The following FAF2 variants were observed in gnomAD, a reference collection of about 807,000 sequenced individuals.
FAF2 encodes FAS-associated factor 2.
Under a neutral mutation model 62.3 loss-of-function variants are expected in FAF2, and 9 were observed. That is an observed-to-expected ratio of 0.14 (90% confidence interval 0.09 to 0.25). The LOEUF (loss-of-function observed/expected upper bound fraction) is 0.25, where lower values mean the gene tolerates loss of function less well. Ranked by LOEUF, FAF2 falls within the 10% of genes least tolerant of loss-of-function variation. FAF2 has a pLI of 1.00. For missense variants in FAF2, 368 were observed against 556.2 expected (o/e 0.66, Z 3.40); for synonymous variants, 202 against 198.0 (o/e 1.02, Z -0.17).
At chr5:176,450,731 T>G (rs954112289) in intron 1 of FAF2, among the ~76,000 whole-genome samples, 4 of 152,120 alleles carry the variant, frequency 2.6e-5, no homozygotes, top group Non-Finnish European at 4.4e-5. Flanking sequence ...TTTTTTGTAT[T>G]TTTAGTAGAG....
chr5:176,473,476 C>T (rs188386678), intron 1 of FAF2, among the ~76,000 whole-genome samples: 3 of 152,248 alleles, frequency 2.0e-5, no homozygotes, highest in Admixed American at 1.3e-4. Context: ...GCTGCAGTAG[C>T]GTTGGTCAGG....
intron 1 of FAF2, among the ~76,000 whole-genome samples, chr5:176,475,631 G>A (rs543113736): frequency 6.6e-6 from 1 of 152,242 alleles, no homozygotes; most frequent in South Asian, 2.1e-4. Context: ...AGCCAGGCGT[G>A]GTGGCAGCCA....
At chr5:176,485,772 C>T (rs1382733261) in intron 2 of FAF2, among the ~76,000 whole-genome samples, 2 of 152,072 alleles carry the variant, frequency 1.3e-5, no homozygotes, top group East Asian at 3.8e-4. Flanking sequence ...TTTCATTGCC[C>T]TGGCTGGTCT....
chr5:176,479,387 G>T, intron 2 of FAF2, 131 bp downstream of exon 2: 2 of 728,140 alleles, frequency 2.7e-6, no homozygotes, highest in South Asian at 3.7e-5. Flanking sequence ...AAATAAAAGT[G>T]CAGGAAGGTA....
chr5:176,472,623 A>G (rs1292061459), intron 1 of FAF2, among the ~76,000 whole-genome samples: 3 of 147,332 alleles, frequency 2.0e-5, no homozygotes, highest in African/African-American at 7.5e-5. Context: ...CAGGCCCACC[A>G]TGGTGGCTCA....
chr5:176,471,070 C>T (rs956917128), intron 1 of FAF2, among the ~76,000 whole-genome samples: 1 of 152,158 alleles, frequency 6.6e-6, no homozygotes, highest in African/African-American at 2.4e-5. Flanking sequence ...TAATATTTCT[C>T]TTCCACCCCC....
chr5:176,458,873 G>A (rs1758326168), intron 1 of FAF2, among the ~76,000 whole-genome samples: 1 of 151,922 alleles, frequency 6.6e-6, no homozygotes, highest in East Asian at 1.9e-4. Flanking sequence ...TCCTTCTCAT[G>A]CCTCCCTTGC....
chr5:176,477,156 A>G (rs369844274), intron 1 of FAF2, among the ~76,000 whole-genome samples: 5 of 121,574 alleles, frequency 4.1e-5, no homozygotes, highest in African/African-American at 1.6e-4. Flanking sequence ...TGTGTTAGCC[A>G]GGATGGTCTG....
chr5:176,483,686 T>G (rs72807250), intron 2 of FAF2, among the ~76,000 whole-genome samples: 2,973 of 152,292 alleles, frequency 0.02, 62 homozygotes, highest in Non-Finnish European at 0.024. Context: ...TCTTCAGATT[T>G]GCTAATTCAC....
chr5:176,487,211 G>A (rs1758887034), intron 3 of FAF2, among the ~76,000 whole-genome samples: 1 of 152,146 alleles, frequency 6.6e-6, no homozygotes, highest in Non-Finnish European at 1.5e-5. Flanking sequence ...TTGAGACAGG[G>A]TCTCACTCTG....
intron 1 of FAF2, among the ~76,000 whole-genome samples, 179 bp downstream of exon 1, chr5:176,448,649 A>G (rs1758111260): frequency 6.8e-6 from 1 of 147,470 alleles, no homozygotes; most frequent in South Asian, 2.1e-4. Flanking sequence ...GTTGGACCCT[A>G]GCCTTCCAGC....
At position 176,509,653 on chromosome 5, in the gene FAF2, G is replaced by A. The variant is rs1018942309; in HGVS notation, c.*2703G>A. ...AGCAAATACTTCTTTCTCCTTGCTT[G>A]CCTCCACCATGATATTTGAATAAGA... On this transcript the variant is annotated 3_prime_UTR_variant, in exon 11 of 11. Coordinates refer to ENST00000261942, the MANE Select transcript of FAF2 (RefSeq NM_014613.3). 1 of 152,604 alleles carries A rather than the reference G, an allele frequency of 6.6e-6. No homozygotes were observed. Among genetic ancestry groups the A allele is most frequent in the Non-Finnish European group, 1.5e-5 (1 of 68,030 alleles). The allele number at this position is 152,604 out of a possible 1,614,324, so 9.5% of individuals were successfully genotyped here. A position where few individuals can be genotyped will look rare whatever the true frequency, so the allele number is the denominator to read the frequency against.
intron 9 of FAF2, 150 bp from the exon 10 acceptor site, chr5:176,499,853 T>C (rs1225697375): frequency 2.4e-6 from 2 of 845,172 alleles, no homozygotes; most frequent in African/African-American, 3.4e-5. Context: ...AATTGTACTT[T>C]AAATTTAGGT....
At chr5:176,502,283 A>G (rs1454902220) in intron 10 of FAF2, among the ~76,000 whole-genome samples, 1 of 152,176 alleles carries the variant, frequency 6.6e-6, no homozygotes, top group Admixed American at 6.5e-5. Flanking sequence ...AGATAAAACT[A>G]TATATGAAAA....
At chr5:176,467,910 A>AT (rs2113724514) in intron 1 of FAF2, among the ~76,000 whole-genome samples, 1 of 152,340 alleles carries the variant, frequency 6.6e-6, no homozygotes, top group East Asian at 1.9e-4. Flanking sequence ...CACACCTGTC[A>AT]TCCCAGCACT....
chr5:176,463,302 G>A (rs1465827855), intron 1 of FAF2, among the ~76,000 whole-genome samples: 5 of 151,682 alleles, frequency 3.3e-5, no homozygotes, highest in African/African-American at 7.3e-5. Context: ...CAGGAGAATC[G>A]CTTGGCCCGG....
intron 4 of FAF2, among the ~76,000 whole-genome samples, chr5:176,490,807 A>G (rs2113740211): frequency 6.6e-6 from 1 of 152,314 alleles, no homozygotes; most frequent in African/African-American, 2.4e-5. Context: ...TGATTGTCCT[A>G]AATTGTGTAG....
At chr5:176,479,540 A>T (rs1270602174) in intron 2 of FAF2, among the ~76,000 whole-genome samples, 1 of 152,138 alleles carries the variant, frequency 6.6e-6, no homozygotes, top group East Asian at 1.9e-4. Context: ...AGATGTCTTG[A>T]TGTGAACCTT....
intron 1 of FAF2, 108 bp downstream of exon 1, chr5:176,448,578 C>A: frequency 8.9e-7 from 1 of 1,123,948 alleles, no homozygotes; most frequent in Non-Finnish European, 1.3e-6. Flanking sequence ...CTCAGACCAG[C>A]AGGCCGGCCC....
Sources: allele counts gnomAD v4.1 joint callset (sites outside exome capture counted in the v4.1 genomes callset), GRCh38; gene constraint gnomAD v4.1.1; transcripts MANE v1.5; gene names NCBI Gene and HGNC (gene_info 2026-07-23, HGNC 2026-07-21).